The following ASAP1 variants were observed in gnomAD, a reference collection of about 807,000 sequenced individuals.
ASAP1 encodes arf-GAP with SH3 domain, ANK repeat and PH domain-containing protein 1.
In ASAP1, 43 loss-of-function variants were observed where a neutral mutation model predicts 145.2. That is an observed-to-expected ratio of 0.30 (90% CI 0.23 to 0.38). ASAP1 has a LOEUF of 0.38. Among genes scored for constraint, ASAP1 ranks in the 10% least tolerant of loss-of-function variants. The pLI, the probability that ASAP1 is intolerant of heterozygous loss-of-function variation, is 1.00. For synonymous variants in ASAP1, 546 were observed against 515.5 expected, an observed-to-expected ratio of 1.06 and a Z score of -0.80; for missense variants, 1,018 against 1,355.3, an observed-to-expected ratio of 0.75 and a Z score of 3.91.
chr8:130,130,856 C>T, intron 15 of ASAP1, among the ~76,000 whole-genome samples: 1 of 151,812 alleles, frequency 6.6e-6, no homozygotes, highest in East Asian at 1.9e-4. Context: ...CCAGCCTGGG[C>T]AACATAGATC....
chr8:130,437,063 C>T (rs1308222729), intron 1 of ASAP1, among the ~76,000 whole-genome samples: 1 of 150,372 alleles, frequency 6.7e-6, no homozygotes, highest in Non-Finnish European at 1.5e-5. Context: ...CAAAATCACA[C>T]CACTGCACTC....
chr8:130,144,509 G>A (rs760670219), intron 13 of ASAP1, among the ~76,000 whole-genome samples: 4 of 152,138 alleles, frequency 2.6e-5, no homozygotes, highest in Non-Finnish European at 5.9e-5. Context: ...TTATCACACT[G>A]TTTCCCTGTC....
At chr8:130,118,065 G>A (rs1188835740) in intron 20 of ASAP1, 96 bp downstream of exon 20, 3 of 994,888 alleles carry the variant, frequency 3.0e-6, no homozygotes, top group African/African-American at 1.6e-5. Flanking sequence ...CACAGAAAAA[G>A]CTTGCCAATT....
At chr8:130,165,040 T>C (rs2097677091) in intron 11 of ASAP1, among the ~76,000 whole-genome samples, 2 of 152,254 alleles carry the variant, frequency 1.3e-5, no homozygotes, top group Admixed American at 1.3e-4. Context: ...GAAAGATCAA[T>C]GTATTACTTG....
At chr8:130,215,991 AAAGGAAAG>A (rs1816891876) in intron 4 of ASAP1, among the ~76,000 whole-genome samples, 1 of 128,664 alleles carries the variant, frequency 7.8e-6, no homozygotes, top group Non-Finnish European at 1.7e-5. Flanking sequence ...AAAGGAAAGG[AAAGGAAAG>A]GAAAGGAAAG....
chr8:130,395,435 G>A (rs1828482124), intron 2 of ASAP1, among the ~76,000 whole-genome samples: 1 of 152,230 alleles, frequency 6.6e-6, no homozygotes, highest in South Asian at 2.1e-4. Flanking sequence ...CCGCAATCCA[G>A]TATGACTGCT....
In ASAP1 at chr8:130,363,923, A is replaced by G. The variant is rs577103306; in HGVS notation, c.60-5780T>C. Among the ~76,000 whole-genome samples, 3 of 152,350 alleles carry G rather than the reference A, an allele frequency of 2.0e-5. No individual in the cohort carries two copies. In the South Asian group the frequency reaches 6.2e-4, roughly 32 times the overall value. On this transcript the variant is annotated intron_variant, in intron 2 of 29. Transcript: ENST00000518721. ...GAGGAAAGGAAAGTGCTGAAGGAGCAGGATGGAGGGAGGGGGCTGTACTTG... is the reference window on the plus strand; with the variant it reads ...GAGGAAAGGAAAGTGCTGAAGGAGCGGGATGGAGGGAGGGGGCTGTACTTG...
intron 5 of ASAP1, among the ~76,000 whole-genome samples, chr8:130,207,216 A>G (rs1400527940): frequency 1.3e-5 from 2 of 152,202 alleles, no homozygotes; most frequent in African/African-American, 4.8e-5. Context: ...GAAATGGTAT[A>G]TATTCCATGA....
chr8:130,165,604 G>C (rs937173280), intron 11 of ASAP1, among the ~76,000 whole-genome samples: 1 of 152,144 alleles, frequency 6.6e-6, no homozygotes, highest in Non-Finnish European at 1.5e-5. Flanking sequence ...CAAACCACAG[G>C]TGCAGTCACT....
chr8:130,063,602 C>T (rs1231615251), intron 27 of ASAP1, among the ~76,000 whole-genome samples: 1 of 152,080 alleles, frequency 6.6e-6, no homozygotes, highest in African/African-American at 2.4e-5. Context: ...TTCTTGAGAC[C>T]TGCTGCATGA....
intron 1 of ASAP1, among the ~76,000 whole-genome samples, chr8:130,415,327 G>A (rs1457171353): frequency 3.3e-5 from 5 of 151,432 alleles, no homozygotes; most frequent in South Asian, 4.1e-4. Flanking sequence ...AACTAGTGGG[G>A]TGTGGTGGTA....
chr8:130,181,002 T>C (rs1268864173), intron 7 of ASAP1, 122 bp from the exon 8 acceptor site: 4 of 790,496 alleles, frequency 5.1e-6, no homozygotes, highest in Non-Finnish European at 5.6e-6. Context: ...GGTTCATCAG[T>C]TGTATCAATT....
At chr8:130,175,790 T>C (rs1417297631) in intron 9 of ASAP1, among the ~76,000 whole-genome samples, 1 of 152,320 alleles carries the variant, frequency 6.6e-6, no homozygotes, top group East Asian at 1.9e-4. Flanking sequence ...GAGCTACAAC[T>C]TCTTGAGTGT....
At position 130,358,120 on chromosome 8, in the gene ASAP1, G is replaced by C; in HGVS notation, c.83C>G (p.Ser28Trp). The change falls in exon 3 of 30, where the codon TCG becomes TGG. Residue 28 changes from serine to tryptophan, a missense_variant. Transcript: ENST00000518721. This position sits in a 1 kb window ranked among gnomAD's most constrained non-coding sequence, Gnocchi z 4.1. ...CTCGGTGGTCTCGGCGATGAACTCC[G>C]AGACAGAGATCTGGTCCGGCATCCT... ...WNRMPDQISV[S>W]EFIAETTEDY... 6.2e-7 allele frequency: 1 copy of C among 1,608,180 alleles called. No individual in the cohort carries two copies. The highest frequency in any genetic ancestry group is 2.2e-5 in the East Asian group (1 of 44,682).
intron 3 of ASAP1, among the ~76,000 whole-genome samples, chr8:130,267,695 G>T (rs1374147894): frequency 1.3e-5 from 2 of 152,184 alleles, no homozygotes; most frequent in Admixed American, 1.3e-4. Context: ...AAGCATTGTG[G>T]TCAGGGTGGA....
chr8:130,379,067 A>G (rs553508398), intron 2 of ASAP1, among the ~76,000 whole-genome samples: 1 of 152,302 alleles, frequency 6.6e-6, no homozygotes, highest in African/African-American at 2.4e-5. Context: ...AAGAAGAAGG[A>G]CTAAAGATAG....
At chr8:130,067,158 G>A (rs1287238497) in intron 27 of ASAP1, among the ~76,000 whole-genome samples, 2 of 152,190 alleles carry the variant, frequency 1.3e-5, no homozygotes. Context: ...TGTCTGGTGG[G>A]TCAGTGTTGT....
intron 13 of ASAP1, among the ~76,000 whole-genome samples, chr8:130,139,418 T>C (rs2097604108): frequency 6.6e-6 from 1 of 152,166 alleles, no homozygotes. Flanking sequence ...AGGACTGCCT[T>C]TGAAAAATTT....
intron 1 of ASAP1, among the ~76,000 whole-genome samples, chr8:130,418,111 A>G (rs929642915): frequency 6.6e-6 from 1 of 152,266 alleles, no homozygotes; most frequent in Non-Finnish European, 1.5e-5. Context: ...GATGGTGTAA[A>G]CCATAATTTT....
Sources: gnomAD v4.1 joint callset for allele counts (sites outside exome capture counted in the v4.1 genomes callset) on GRCh38, gnomAD v4.1.1 for gene constraint, Gnocchi (gnomAD v3.1) non-coding constraint, MANE v1.5 for transcripts, NCBI Gene and HGNC (gene_info 2026-07-23, HGNC 2026-07-21) for gene names.